The following DNMT1 variants were observed in gnomAD, a reference collection of about 807,000 sequenced individuals.
DNMT1 encodes the protein DNA methyltransferase 1.
In DNMT1, 24 loss-of-function variants were observed where a neutral mutation model predicts 205.3. The observed-to-expected ratio is 0.12, with a 90% CI of 0.08 to 0.16. The LOEUF (loss-of-function observed/expected upper bound fraction) is 0.16, where lower values mean the gene tolerates loss of function less well. DNMT1 is among the 10% of genes least tolerant of loss of function. The pLI is 1.00. For missense variants in DNMT1, 1,293 were observed against 2,177.7 expected (o/e 0.59, Z 8.09); for synonymous variants, 817 against 839.8 (o/e 0.97, Z 0.47).
Position 10,156,140 on chromosome 19 carries a change from G to A in DNMT1, c.1400-195C>T, listed in dbSNP as rs1302008694. Reference sequence around the variant, plus strand: ...TTAAGAGGCAGCAGCAACTCCAGCTGACTATTGCTTCATAAGTATGTTTTT... The same window carrying A: ...TTAAGAGGCAGCAGCAACTCCAGCTAACTATTGCTTCATAAGTATGTTTTT... On this transcript the variant is annotated intron_variant, in intron 18 of 40. Coordinates refer to ENST00000359526, the MANE Select transcript of DNMT1 (RefSeq NM_001130823.3). This position sits in a 1 kb window ranked among gnomAD's most constrained non-coding sequence, Gnocchi z 4.2. Among the ~76,000 whole-genome samples, 1 of 151,840 alleles carries A rather than the reference G, an allele frequency of 6.6e-6. No homozygotes were observed. Among genetic ancestry groups the A allele is most frequent in the African/African-American group, 2.4e-5 (1 of 41,338 alleles).
Position 10,154,597 on chromosome 19 carries a change from C to A in DNMT1, c.1821G>T (p.Thr607=), listed in dbSNP as rs371848582. 3.1e-6 allele frequency: 5 copies of A among 1,613,908 alleles called. No individual in the cohort carries two copies. The highest frequency in any genetic ancestry group is 1.7e-5 in the Admixed American group (1 of 60,002). ...TGCCGCATCCTTACCTCTGTCCCAG[C>A]GTGACCCCAGCCAGCTTGATCAGGT... is the stretch of plus-strand genomic sequence containing the variant. ...MRDLIKLAGV[T]LGQRRAQARR... is the part of the protein sequence containing the mutation. Residue 607 remains threonine, a synonymous_variant, in exon 21 of 41, where the codon ACG becomes ACT. Coordinates refer to ENST00000359526, the MANE Select transcript of DNMT1 (RefSeq NM_001130823.3). The surrounding 1 kb of genome is among the most constrained non-coding windows in gnomAD (Gnocchi z 6.3).
At chr19:10,149,386 C>T (rs564846097) in intron 26 of DNMT1, 67 bp downstream of exon 26, 5 of 1,472,890 alleles carry the variant, frequency 3.4e-6, no homozygotes, top group East Asian at 2.3e-5. Context: ...CAAAACAAAA[C>T]AGAACGCACG....
chr19:10,138,667 G>C lies in DNMT1; in HGVS notation c.3949-62C>G. ...GGGACACTCCCAACTGGACTGGCCA[G>C]ACCCAGGCCCAGGGTCAGCAGCCTG... On this transcript the variant is annotated intron_variant, in intron 34 of 40. Coordinates refer to ENST00000359526, the MANE Select transcript of DNMT1 (RefSeq NM_001130823.3). This position sits in a 1 kb window ranked among gnomAD's most constrained non-coding sequence, Gnocchi z 4.1. 6.4e-7 allele frequency: 1 copy of C among 1,562,014 alleles called. No individual in the cohort carries two copies. Among genetic ancestry groups the C allele is most frequent in the Non-Finnish European group, 8.6e-7 (1 of 1,160,272 alleles).
chr19:10,186,474 C>T lies in DNMT1; in HGVS notation c.81-4397G>A, dbSNP rs577713697. ...CTCAGAATGCCGGCTTAGTGCCCAG[C>T]CTGAGACCCTATGATTCCTTCCTAG... On this transcript the variant is annotated intron_variant, in intron 1 of 40. Transcript: ENST00000359526. Among the ~76,000 whole-genome samples the T allele has an allele frequency of 1.6e-4, 24 of 152,172 alleles. No individual in the cohort carries two copies. The South Asian group carries it at 4.4e-3, about 28-fold the overall frequency.
At chr19:10,184,809 G>A (rs2039146378) in intron 1 of DNMT1, among the ~76,000 whole-genome samples, 1 of 152,224 alleles carries the variant, frequency 6.6e-6, no homozygotes, top group Non-Finnish European at 1.5e-5. Context: ...CCCAGGCAGG[G>A]ACCAGGCCAC....
Position 10,177,281 on chromosome 19 carries a change from C to G in DNMT1, c.569+11G>C. The stretch of plus-strand genomic sequence containing the variant: ...CTAAAAAAGGCAGCCGCCAATTTAT[C>G]GTATACTGACCCCTTTGCAAAATGA... On this transcript the variant is annotated intron_variant, in intron 6 of 40. Coordinates refer to ENST00000359526, the MANE Select transcript of DNMT1 (RefSeq NM_001130823.3). 3 of 1,613,782 alleles carry G rather than the reference C, an allele frequency of 1.9e-6. No individual in the cohort carries two copies. Among genetic ancestry groups the G allele is most frequent in the Non-Finnish European group, 2.5e-6 (3 of 1,179,882 alleles).
chr19:10,162,639 AAG>A (rs376848028), intron 13 of DNMT1, 26 bp downstream of exon 13: 10 of 1,525,514 alleles, frequency 6.6e-6, no homozygotes, highest in Non-Finnish European at 8.0e-6. Flanking sequence ...AAAAAAAAAA[AAG>A]AAAGAAAGAA....
intron 22 of DNMT1, among the ~76,000 whole-genome samples, chr19:10,153,674 T>C (rs571787292): frequency 6.8e-6 from 1 of 147,932 alleles, no homozygotes; most frequent in East Asian, 2.0e-4. Context: ...TTAGAAGTTA[T>C]AAAACATTGG....
In DNMT1 at chr19:10,154,720, G is replaced by T. The variant is rs773872683; in HGVS notation, c.1698C>A (p.Leu566=). The change falls in exon 21 of 41, where the codon CTC becomes CTA. Residue 566 remains leucine, a synonymous_variant. Coordinates refer to ENST00000359526, the MANE Select transcript of DNMT1 (RefSeq NM_001130823.3). The surrounding 1 kb of genome is among the most constrained non-coding windows in gnomAD (Gnocchi z 6.3). ...CCACCACAAACTGCGCGTGTCGCAGGAGGGAGTCCTCTGTGAAGCGGTTCA... is the reference window on the plus strand; with the variant it reads ...CCACCACAAACTGCGCGTGTCGCAGTAGGGAGTCCTCTGTGAAGCGGTTCA... ...LNLNRFTEDS[L]LRHAQFVVEQ... is the part of the protein sequence containing the mutation. The T allele has an allele frequency of 6.2e-6, 10 of 1,614,238 alleles. No individual in the cohort carries two copies. In the South Asian group the frequency reaches 9.9e-5, roughly 16 times the overall value.
chr19:10,190,068 G>T (rs1185059041), intron 1 of DNMT1, among the ~76,000 whole-genome samples: 2 of 152,164 alleles, frequency 1.3e-5, no homozygotes, highest in African/African-American at 2.4e-5. Context: ...TACCACAGGG[G>T]AGCAAAACAA....
intron 40 of DNMT1, 52 bp downstream of exon 40, chr19:10,134,165 A>G: frequency 6.3e-7 from 1 of 1,596,466 alleles, no homozygotes; most frequent in Non-Finnish European, 8.6e-7. Flanking sequence ...CCCCACATGT[A>G]CCCCCAGAGG....
intron 28 of DNMT1, chr19:10,144,315 G>A (rs1233405752): frequency 2.8e-6 from 1 of 357,406 alleles, no homozygotes; most frequent in Non-Finnish European, 5.5e-6. Flanking sequence ...GGCTGAGGCA[G>A]GAGAATTGCT....
At chr19:10,172,338 A>G (rs1202701469) in intron 9 of DNMT1, among the ~76,000 whole-genome samples, 3 of 150,224 alleles carry the variant, frequency 2.0e-5, no homozygotes, top group Non-Finnish European at 4.4e-5. Context: ...CCCGGGAGGC[A>G]GAGGTTGCGG....
At position 10,156,215 on chromosome 19, in the gene DNMT1, A is replaced by G. The variant is rs191228180; in HGVS notation, c.1399+176T>C. Among the ~76,000 whole-genome samples the G allele has an allele frequency of 2.0e-5, 3 of 151,098 alleles. No homozygotes were observed. The Admixed American group carries it at 2.0e-4, about 10-fold the overall frequency. The stretch of plus-strand genomic sequence containing the variant: ...TATGTATACTATATATATATGCTAT[A>G]TATTTTTTTTTAATAGAGGCAGGCT... On this transcript the variant is annotated intron_variant, in intron 18 of 40. Coordinates refer to ENST00000359526, the MANE Select transcript of DNMT1 (RefSeq NM_001130823.3). The surrounding 1 kb of genome is among the most constrained non-coding windows in gnomAD (Gnocchi z 4.2).
Position 10,154,239 on chromosome 19 carries a change from AGGCCAGAGGCTG to A in DNMT1, c.2019+42_2019+53del. ...AGAAAGATGGAGCAGTCCTCAGATC[AGGCCAGAGGCTG>A]GGCCACCTTAGGGGAGCGGGAGCAC... On this transcript the variant is annotated intron_variant, in intron 22 of 40. Coordinates refer to ENST00000359526, the MANE Select transcript of DNMT1 (RefSeq NM_001130823.3). This position sits in a 1 kb window ranked among gnomAD's most constrained non-coding sequence, Gnocchi z 6.3. 1.3e-6 allele frequency: 2 copies of A among 1,561,834 alleles called. No individual in the cohort carries two copies. Among genetic ancestry groups the A allele is most frequent in the Non-Finnish European group, 1.8e-6 (2 of 1,132,960 alleles).
chr19:10,145,181 C>T (rs892944475), intron 28 of DNMT1, among the ~76,000 whole-genome samples: 11 of 152,210 alleles, frequency 7.2e-5, no homozygotes, highest in African/African-American at 9.7e-5. Context: ...GAAGGCCTGC[C>T]GTTAGGGAAG....
chr19:10,143,426 G>A (rs921122454), intron 29 of DNMT1, among the ~76,000 whole-genome samples: 15 of 139,740 alleles, frequency 1.1e-4, no homozygotes, highest in African/African-American at 3.8e-4. Flanking sequence ...GTCTCACTAC[G>A]TTTCCTCAAG....
chr19:10,173,852 G>A lies in DNMT1; in HGVS notation c.683+19C>T. 6.2e-7 allele frequency: 1 copy of A among 1,613,344 alleles called. No homozygotes were observed. Among genetic ancestry groups the A allele is most frequent in the Non-Finnish European group, 8.5e-7 (1 of 1,179,404 alleles). The stretch of plus-strand genomic sequence containing the variant: ...CACAACTCGTAGAACAAAAAGAAAG[G>A]TATAGTAACTATTCTTACCGTTCTC... On this transcript the variant is annotated intron_variant, in intron 8 of 40. Coordinates refer to ENST00000359526, the MANE Select transcript of DNMT1 (RefSeq NM_001130823.3).
intron 22 of DNMT1, among the ~76,000 whole-genome samples, chr19:10,153,934 G>A (rs2038401581): frequency 6.6e-6 from 1 of 152,106 alleles, no homozygotes; most frequent in East Asian, 1.9e-4. Flanking sequence ...GCCTCCTGAG[G>A]GCCTCAAATC....
Sources: gnomAD v4.1 joint callset for allele counts (sites outside exome capture counted in the v4.1 genomes callset) on GRCh38, gnomAD v4.1.1 for gene constraint, Gnocchi (gnomAD v3.1) non-coding constraint, MANE v1.5 for transcripts, NCBI Gene and HGNC (gene_info 2026-07-23, HGNC 2026-07-21) for gene names.